D2HGDH: variants seen among roughly 807,000 people sequenced by gnomAD.
The protein encoded by D2HGDH is D-2-hydroxyglutarate dehydrogenase.
A neutral mutation model predicts 46.9 loss-of-function variants in D2HGDH; 31 were observed. That is an observed-to-expected ratio of 0.66 (90% CI 0.50 to 0.89). D2HGDH has a LOEUF of 0.89. D2HGDH is among the 40% of genes least tolerant of loss of function. The pLI, the probability that D2HGDH is intolerant of heterozygous loss-of-function variation, is 0.00. For missense variants in D2HGDH, 698 were observed against 720.8 expected, an observed-to-expected ratio of 0.97 and a Z score of 0.36; for synonymous variants, 364 against 332.6, an observed-to-expected ratio of 1.09 and a Z score of -1.03.
At chr2:241,758,945 G>T (rs1344105448) in intron 9 of D2HGDH, among the ~76,000 whole-genome samples, 1 of 152,114 alleles carries the variant, frequency 6.6e-6, no homozygotes, top group African/African-American at 2.4e-5. Context: ...GGCATTATTT[G>T]CTGCTTGCAT....
intron 2 of D2HGDH, among the ~76,000 whole-genome samples, chr2:241,738,104 C>T (rs752716646): frequency 5.3e-5 from 8 of 152,148 alleles, no homozygotes; most frequent in Non-Finnish European, 7.4e-5. Flanking sequence ...CACTGGAAAT[C>T]GCTGGACCAA....
intron 2 of D2HGDH, among the ~76,000 whole-genome samples, chr2:241,738,488 G>A (rs1693544187): frequency 2.0e-5 from 3 of 152,250 alleles, no homozygotes; most frequent in African/African-American, 7.2e-5. Context: ...CCTGCTCGGA[G>A]GCCAGCACCC....
intron 7 of D2HGDH, 81 bp downstream of exon 7, chr2:241,750,375 C>CGGGGGGGCGGG: frequency 5.4e-5 from 16 of 296,980 alleles, no homozygotes; most frequent in African/African-American, 5.2e-4. Flanking sequence ...TCAGAGACCC[C>CGGGGGGGCGGG]GGGTGGGCGG....
chr2:241,743,680 A>G lies in D2HGDH; in HGVS notation c.549A>G (p.Glu183=). Residue 183 remains glutamate (E), a synonymous_variant, in exon 5 of 10, where the codon GAA becomes GAG. Coordinates refer to ENST00000321264, the MANE Select transcript of D2HGDH (RefSeq NM_152783.5). This position sits in a 1 kb window ranked among gnomAD's most constrained non-coding sequence, Gnocchi z 4.8. The part of the protein sequence containing the change: ...VLEELSRYVE[E]RDFIMPLDLG... Reference sequence around the variant, plus strand: ...AGGAGCTGAGCCGGTATGTGGAGGAACGGGACTTCATCATGCCGCTGGACT... The same window carrying G: ...AGGAGCTGAGCCGGTATGTGGAGGAGCGGGACTTCATCATGCCGCTGGACT... 1 of 1,614,008 alleles carries G rather than the reference A, an allele frequency of 6.2e-7. No individual in the cohort carries two copies. Among genetic ancestry groups the G allele is most frequent in the Non-Finnish European group, 8.5e-7 (1 of 1,179,992 alleles).
chr2:241,751,330 C>T lies in D2HGDH; in HGVS notation c.1082C>T (p.Ala361Val), dbSNP rs1105273. ...AEKLGHFLEH[A>V]LGSGLVTDGT... ...AAGCTGGGCCACTTCCTGGAGCACG[C>T]GCTGGGCTCCGGCCTGGTGACCGAT... Residue 361 changes from alanine to valine, a missense_variant, in exon 8 of 10, where the codon GCG becomes GTG. Coordinates refer to ENST00000321264, the MANE Select transcript of D2HGDH (RefSeq NM_152783.5). The T allele has an allele frequency of 0.13, 213,097 of 1,613,572 alleles. 16,826 individuals carry two copies. Among genetic ancestry groups the T allele is most frequent in the Admixed American group, 0.31 (18,468 of 59,978 alleles).
At chr2:241,756,085 C>G in intron 9 of D2HGDH, 71 bp downstream of exon 9, 1 of 1,513,844 alleles carries the variant, frequency 6.6e-7, no homozygotes, top group South Asian at 1.3e-5. Flanking sequence ...GTCACCCTGC[C>G]AGGCTTCGAG....
rs1187927215 is a variant in D2HGDH, at chr2:241,767,961, C to G, written c.1558C>G (p.Gln520Glu). The G allele has an allele frequency of 6.3e-7, 1 of 1,591,126 alleles. No individual in the cohort carries two copies. The highest frequency in any genetic ancestry group is 8.5e-7 in the Non-Finnish European group (1 of 1,172,102). ...CAACCCCTACAAGACGCTGCCCAGC[C>G]AGGCCTGACGGCCACTCCTGCTGCT... ...ILNPYKTLPSQA is the reference protein window; with the variant it reads ...ILNPYKTLPSEA The change falls in exon 10 of 10, where the codon CAG becomes GAG. Residue 520 changes from glutamine (Q) to glutamate (E), a missense_variant. Physicochemically the swap from Gln to Glu is conservative, Grantham distance 29 (BLOSUM62 2). Transcript: ENST00000321264.
intron 6 of D2HGDH, chr2:241,749,920 G>T: frequency 1.6e-6 from 1 of 606,472 alleles, no homozygotes. Flanking sequence ...GATGCTGGTG[G>T]TGACACTAGG....
chr2:241,742,344 G>T lies in D2HGDH; in HGVS notation c.351-91G>T. ...AGGCAGGGCAGGGTAATCAGGATTT[G>T]GAGTCAGGCACTGGTCCTGCGGCGT... is the stretch of plus-strand genomic sequence containing the variant. On this transcript the variant is annotated intron_variant, in intron 3 of 9. Transcript: ENST00000321264. This position sits in a 1 kb window ranked among gnomAD's most constrained non-coding sequence, Gnocchi z 4.8. 6.7e-7 allele frequency: 1 copy of T among 1,482,992 alleles called. No individual in the cohort carries two copies. Among genetic ancestry groups the T allele is most frequent in the Non-Finnish European group, 9.1e-7 (1 of 1,099,920 alleles). The allele number at this position is 1,482,992 out of a possible 1,614,324, so 91.9% of individuals were successfully genotyped here. A position where few individuals can be genotyped will look rare whatever the true frequency, so the allele number is the denominator to read the frequency against.
intron 8 of D2HGDH, among the ~76,000 whole-genome samples, chr2:241,751,895 G>T (rs1697269562): frequency 7.0e-6 from 1 of 143,030 alleles, no homozygotes; most frequent in African/African-American, 2.7e-5. Context: ...GGCAGGGGGA[G>T]CCCTCGGTCA....
intron 9 of D2HGDH, among the ~76,000 whole-genome samples, chr2:241,757,755 C>G (rs908434713): frequency 2.0e-5 from 3 of 152,046 alleles, no homozygotes; most frequent in Non-Finnish European, 4.4e-5. Flanking sequence ...GTCAGGAGTT[C>G]GACACCAGCC....
At chr2:241,735,593 G>T in intron 2 of D2HGDH, 77 bp downstream of exon 2, 1 of 1,574,262 alleles carries the variant, frequency 6.4e-7, no homozygotes, top group East Asian at 2.3e-5. Flanking sequence ...TTCAAAGCGG[G>T]CTGAGAACAA....
At chr2:241,763,608 C>T (rs940776835) in intron 9 of D2HGDH, among the ~76,000 whole-genome samples, 2 of 152,146 alleles carry the variant, frequency 1.3e-5, no homozygotes, top group African/African-American at 4.8e-5. Flanking sequence ...AGTAATTGTG[C>T]TACAACATGG....
In D2HGDH at chr2:241,768,293, T is replaced by G; in HGVS notation, c.*324T>G. On this transcript the variant is annotated 3_prime_UTR_variant, in exon 10 of 10. Transcript: ENST00000321264. ...TTGCGTGGTGGCCCCTGGCCCCATC[T>G]TGCCTGCTGCGGCCTGGGGAGCAGG... 1 of 331,524 alleles carries G rather than the reference T, an allele frequency of 3.0e-6. No individual in the cohort carries two copies. Among genetic ancestry groups the G allele is most frequent in the Non-Finnish European group, 5.6e-6 (1 of 178,702 alleles). The allele number at this position is 331,524 out of a possible 1,614,324, so 20.5% of individuals were successfully genotyped here.
At chr2:241,748,901 C>G in intron 6 of D2HGDH, 1 of 1,298,596 alleles carries the variant, frequency 7.7e-7, no homozygotes, top group Non-Finnish European at 1.0e-6. Flanking sequence ...CCTGGGAGCC[C>G]GAGGCCAGCC....
At chr2:241,739,110 C>G (rs575066159) in intron 2 of D2HGDH, among the ~76,000 whole-genome samples, 18 of 152,364 alleles carry the variant, frequency 1.2e-4, no homozygotes, top group Middle Eastern at 3.4e-3. Context: ...CCCCCATGGC[C>G]CCCTCCGTCT....
intron 9 of D2HGDH, among the ~76,000 whole-genome samples, chr2:241,758,022 A>G (rs982442841): frequency 1.1e-4 from 16 of 151,974 alleles, no homozygotes; most frequent in Admixed American, 9.2e-4. Flanking sequence ...TGCATCTGTC[A>G]TGGTGACCGG....
chr2:241,762,409 C>T (rs1402588200), intron 9 of D2HGDH, among the ~76,000 whole-genome samples: 2 of 152,208 alleles, frequency 1.3e-5, no homozygotes, highest in Non-Finnish European at 2.9e-5. Context: ...CTTCCATTGT[C>T]TTTGGGGTTC....
At chr2:241,738,411 T>C (rs1248085047) in intron 2 of D2HGDH, among the ~76,000 whole-genome samples, 1 of 152,212 alleles carries the variant, frequency 6.6e-6, no homozygotes, top group African/African-American at 2.4e-5. Flanking sequence ...AGGAACACCG[T>C]GCGGGTAAGT....
Sources: gnomAD v4.1 joint callset for allele counts (sites outside exome capture counted in the v4.1 genomes callset) on GRCh38, gnomAD v4.1.1 for gene constraint, Gnocchi (gnomAD v3.1) non-coding constraint, MANE v1.5 for transcripts, NCBI Gene and HGNC (gene_info 2026-07-23, HGNC 2026-07-21) for gene names.